FAM20A: variants seen among roughly 807,000 people sequenced by gnomAD.
The protein encoded by FAM20A is pseudokinase FAM20A.
Under a neutral mutation model 52.0 loss-of-function variants are expected in FAM20A, and 42 were observed. That is an observed-to-expected ratio of 0.81 (90% CI 0.63 to 1.04). FAM20A has a LOEUF of 1.04. FAM20A is among the 50% of genes least tolerant of loss of function. The pLI, the probability that FAM20A is intolerant of heterozygous loss-of-function variation, is 0.00. For missense variants in FAM20A, 742 were observed against 712.7 expected (o/e 1.04, Z -0.47); for synonymous variants, 304 against 298.9 (o/e 1.02, Z -0.18).
At chr17:68,584,194 G>A (rs1447704438) in intron 1 of FAM20A, among the ~76,000 whole-genome samples, 1 of 152,144 alleles carries the variant, frequency 6.6e-6, no homozygotes, top group African/African-American at 2.4e-5. Flanking sequence ...GCACACGCCT[G>A]TAATCCCAGC....
chr17:68,598,301 G>C (rs185054429), intron 1 of FAM20A, among the ~76,000 whole-genome samples: 123 of 152,104 alleles, frequency 8.1e-4, no homozygotes, highest in Middle Eastern at 3.4e-3. Flanking sequence ...CACCCTGCCC[G>C]GCCTTGTGTT....
intron 1 of FAM20A, among the ~76,000 whole-genome samples, chr17:68,568,448 A>G: frequency 6.6e-6 from 1 of 151,704 alleles, no homozygotes; most frequent in East Asian, 1.9e-4. Context: ...AGCCTGGGTG[A>G]CAGAGCGAGA....
At chr17:68,557,799 C>T (rs1299101802) in intron 1 of FAM20A, among the ~76,000 whole-genome samples, 1 of 152,190 alleles carries the variant, frequency 6.6e-6, no homozygotes, top group Non-Finnish European at 1.5e-5. Context: ...CTTGTATGAA[C>T]GTAACCCAAG....
chr17:68,552,441 CTG>C (rs1015308898), intron 3 of FAM20A, among the ~76,000 whole-genome samples: 35 of 152,074 alleles, frequency 2.3e-4, no homozygotes, highest in Admixed American at 2.0e-3. Context: ...CTACTTAAGA[CTG>C]TACACCTGGG....
chr17:68,537,122 A>T lies in FAM20A; in HGVS notation c.*355T>A, dbSNP rs188485434. On this transcript the variant is annotated 3_prime_UTR_variant, in exon 11 of 11. Coordinates refer to ENST00000592554, the MANE Select transcript of FAM20A (RefSeq NM_017565.4). The surrounding 1 kb of genome is among the most constrained non-coding windows in gnomAD (Gnocchi z 4.2). ...GAATAAGGATCCTGAGAAGTCAGGT[A>T]TCCACTTGATGTCCTTTTATTTGAC... 1 of 479,734 alleles carries T rather than the reference A, an allele frequency of 2.1e-6. No homozygotes were observed. Among genetic ancestry groups the T allele is most frequent in the Non-Finnish European group, 4.1e-6 (1 of 244,640 alleles). 29.7% of individuals were successfully genotyped at this position (479,734 alleles called of 1,614,324 possible).
At chr17:68,547,628 C>A (rs1349987209) in intron 4 of FAM20A, among the ~76,000 whole-genome samples, 2 of 152,236 alleles carry the variant, frequency 1.3e-5, no homozygotes, top group African/African-American at 4.8e-5. Context: ...AAGTTTTCTT[C>A]TGCAGCTTTC....
intron 1 of FAM20A, among the ~76,000 whole-genome samples, chr17:68,588,138 A>G (rs895044013): frequency 2.0e-5 from 3 of 149,386 alleles, no homozygotes; most frequent in African/African-American, 7.3e-5. Context: ...AAAAAAAAAA[A>G]GGGGGCCCAG....
At chr17:68,561,255 A>G (rs1481547759) in intron 1 of FAM20A, among the ~76,000 whole-genome samples, 1 of 152,196 alleles carries the variant, frequency 6.6e-6, no homozygotes, top group Non-Finnish European at 1.5e-5. Flanking sequence ...GGTTTCCTCT[A>G]GTATTTTGTG....
chr17:68,540,861 C>T lies in FAM20A; in HGVS notation c.1207G>A (p.Asp403Asn), dbSNP rs377432171. The T allele has an allele frequency of 4.7e-5, 75 of 1,600,776 alleles. No individual in the cohort carries two copies. Among genetic ancestry groups the T allele is most frequent in the Non-Finnish European group, 5.6e-5 (66 of 1,173,464 alleles). Reference sequence around the variant, plus strand: ...TGTGGGGACCTACCTATCAAGAAGTCGAAGATGGCCATGTCGATGACATTG... The same window carrying T: ...TGTGGGGACCTACCTATCAAGAAGTTGAAGATGGCCATGTCGATGACATTG... ...LLNVIDMAIFDFLIGNMDRHH... is the reference protein window; with the variant it reads ...LLNVIDMAIFNFLIGNMDRHH... Residue 403 changes from aspartate to asparagine, a missense_variant, in exon 8 of 11, where the codon GAC (aspartate) becomes AAC (asparagine). Transcript: ENST00000592554.
At chr17:68,576,507 C>T (rs57329174) in intron 1 of FAM20A, among the ~76,000 whole-genome samples, 8,503 of 152,220 alleles carry the variant, frequency 0.056, 802 homozygotes, top group African/African-American at 0.19. Flanking sequence ...CCTCATGCTG[C>T]AGCCCTGAGC....
chr17:68,597,448 G>A (rs1245624849), intron 1 of FAM20A, among the ~76,000 whole-genome samples: 5 of 151,878 alleles, frequency 3.3e-5, no homozygotes, highest in African/African-American at 1.2e-4. Context: ...AGAGTGGCAC[G>A]ATCTCTGCTG....
At chr17:68,595,129 T>C (rs548062847) in intron 1 of FAM20A, among the ~76,000 whole-genome samples, 1 of 152,242 alleles carries the variant, frequency 6.6e-6, no homozygotes, top group Non-Finnish European at 1.5e-5. Flanking sequence ...GGTAGGAGCA[T>C]TTGCATGCAA....
At position 68,536,692 on chromosome 17, in the gene FAM20A, G is replaced by A. The variant is rs1405691802; in HGVS notation, c.*785C>T. The A allele has an allele frequency of 2.2e-6, 1 of 453,802 alleles. No individual in the cohort carries two copies. The highest frequency in any genetic ancestry group is 4.4e-6 in the Non-Finnish European group (1 of 226,768). 28.1% of individuals were successfully genotyped at this position (453,802 alleles called of 1,614,324 possible). On this transcript the variant is annotated 3_prime_UTR_variant, in exon 11 of 11. Coordinates refer to ENST00000592554, the MANE Select transcript of FAM20A (RefSeq NM_017565.4). ...TGCCTTACTCCAGGCTTGTGTCCCT[G>A]CTAGGCCTGTTCCCATGCCATCCTG... is the stretch of plus-strand genomic sequence containing the variant.
chr17:68,545,576 G>T (rs951611625), intron 4 of FAM20A, among the ~76,000 whole-genome samples: 6 of 152,226 alleles, frequency 3.9e-5, no homozygotes, highest in African/African-American at 1.4e-4. Context: ...TGACTGGGGT[G>T]GTGGTTGCTG....
In FAM20A at chr17:68,535,710, T is replaced by C. The variant is rs1359295020; in HGVS notation, c.*1767A>G. 1 of 449,554 alleles carries C rather than the reference T, an allele frequency of 2.2e-6. No homozygotes were observed. The highest frequency in any genetic ancestry group is 4.4e-6 in the Non-Finnish European group (1 of 225,612). 27.8% of individuals were successfully genotyped at this position (449,554 alleles called of 1,614,324 possible). On this transcript the variant is annotated 3_prime_UTR_variant, in exon 11 of 11. Coordinates refer to ENST00000592554, the MANE Select transcript of FAM20A (RefSeq NM_017565.4). ...ATTTTTTTGTAGAGACAGGGTTTTG[T>C]CATGTTACCCAGGCTGGTCTCGAGC...
chr17:68,571,030 C>G (rs1183192826), intron 1 of FAM20A, among the ~76,000 whole-genome samples: 1 of 152,166 alleles, frequency 6.6e-6, no homozygotes, highest in African/African-American at 2.4e-5. Context: ...AGTCCCATCA[C>G]CTGGGTTAGG....
At position 68,536,979 on chromosome 17, in the gene FAM20A, T is replaced by C. The variant is rs1421972453; in HGVS notation, c.*498A>G. On this transcript the variant is annotated 3_prime_UTR_variant, in exon 11 of 11. Coordinates refer to ENST00000592554, the MANE Select transcript of FAM20A (RefSeq NM_017565.4). ...GAATATGAGTAGAAAGTGTGAGGTC[T>C]AATTTGAACCTGTCAGAGTTACTGT... is the stretch of plus-strand genomic sequence containing the variant. 1 of 454,508 alleles carries C rather than the reference T, an allele frequency of 2.2e-6. No homozygotes were observed. Among genetic ancestry groups the C allele is most frequent in the Admixed American group, 2.3e-5 (1 of 42,576 alleles). 28.2% of individuals were successfully genotyped at this position (454,508 alleles called of 1,614,324 possible).
At chr17:68,595,029 T>C (rs2088415399) in intron 1 of FAM20A, among the ~76,000 whole-genome samples, 1 of 152,226 alleles carries the variant, frequency 6.6e-6, no homozygotes, top group African/African-American at 2.4e-5. Context: ...GTCTTGGAAT[T>C]CCATCTACCA....
chr17:68,541,057 T>TG, intron 7 of FAM20A, 99 bp from the exon 8 acceptor site: 1 of 1,523,186 alleles, frequency 6.6e-7, no homozygotes, highest in Non-Finnish European at 8.8e-7. Flanking sequence ...CCTGCCTCCC[T>TG]GATCCTGCCC....
Sources: gnomAD v4.1 joint callset for allele counts (sites outside exome capture counted in the v4.1 genomes callset) on GRCh38, gnomAD v4.1.1 for gene constraint, Gnocchi (gnomAD v3.1) non-coding constraint, MANE v1.5 for transcripts, NCBI Gene and HGNC (gene_info 2026-07-23, HGNC 2026-07-21) for gene names.